The following DCDC1 variants were observed in gnomAD, a reference collection of about 807,000 sequenced individuals.
DCDC1 encodes the protein doublecortin domain-containing protein 1.
A neutral mutation model predicts 178.3 loss-of-function variants in DCDC1; 200 were observed. That is an observed-to-expected ratio of 1.12 (90% confidence interval 1.00 to 1.26). The LOEUF (loss-of-function observed/expected upper bound fraction) is 1.26. Ranked by LOEUF, DCDC1 falls within the 50% of genes most tolerant of loss-of-function variation. The pLI, the probability that DCDC1 is intolerant of heterozygous loss-of-function variation, is 0.00. For missense variants in DCDC1, 1,983 were observed against 1,749.2 expected, an observed-to-expected ratio of 1.13 and a Z score of -2.38; for synonymous variants, 690 against 604.8, an observed-to-expected ratio of 1.14 and a Z score of -2.07.
chr11:31,033,676 TAAC>T (rs1160993412), intron 20 of DCDC1, among the ~76,000 whole-genome samples: 1 of 152,156 alleles, frequency 6.6e-6, no homozygotes, highest in Non-Finnish European at 1.5e-5. Context: ...ATGCACTTTA[TAAC>T]AACCATTTTA....
chr11:31,355,318 C>A (rs1951282363), intron 1 of DCDC1, among the ~76,000 whole-genome samples: 1 of 152,118 alleles, frequency 6.6e-6, no homozygotes, highest in East Asian at 1.9e-4. Context: ...GGGAACATGA[C>A]TACGCTGGAA....
chr11:31,151,759 G>A (rs936035069), intron 9 of DCDC1, among the ~76,000 whole-genome samples: 1 of 152,024 alleles, frequency 6.6e-6, no homozygotes. Flanking sequence ...TGCTTATTTT[G>A]CATAGCAATG....
At chr11:30,968,619 GTATA>G (rs367740624) in intron 20 of DCDC1, among the ~76,000 whole-genome samples, 1 of 144,624 alleles carries the variant, frequency 6.9e-6, no homozygotes, top group Non-Finnish European at 1.5e-5. Context: ...AACAAAGTGT[GTATA>G]TATATATATG....
chr11:31,291,030 C>T (rs1401543545), intron 6 of DCDC1, among the ~76,000 whole-genome samples, 178 bp from the exon 7 acceptor site: 2 of 151,990 alleles, frequency 1.3e-5, no homozygotes, highest in Non-Finnish European at 2.9e-5. Flanking sequence ...CTGTAGCAAG[C>T]TGTCTGCTCT....
intron 20 of DCDC1, among the ~76,000 whole-genome samples, chr11:31,045,896 C>G (rs531778890): frequency 6.6e-6 from 1 of 152,236 alleles, no homozygotes; most frequent in African/African-American, 2.4e-5. Context: ...AACCCATTTT[C>G]CAAGCTTCTC....
chr11:30,986,326 T>TTC (rs1005378718), intron 20 of DCDC1, among the ~76,000 whole-genome samples: 1 of 145,044 alleles, frequency 6.9e-6, no homozygotes, highest in African/African-American at 2.9e-5. Flanking sequence ...TTCCACATTT[T>TTC]TCTCTCTCTC....
At chr11:30,882,860 G>C (rs1481407288) in intron 36 of DCDC1, 2 of 152,140 alleles carry the variant, frequency 1.3e-5, no homozygotes, top group Non-Finnish European at 2.9e-5. Flanking sequence ...AAGTATCTGT[G>C]TTGTGTTACC....
chr11:31,329,231 AAAG>A (rs1309706188), intron 2 of DCDC1, among the ~76,000 whole-genome samples: 1 of 152,146 alleles, frequency 6.6e-6, no homozygotes, highest in Non-Finnish European at 1.5e-5. Flanking sequence ...AAAAGAGATG[AAAG>A]CAGACCTAAG....
chr11:31,358,325 C>T (rs934588512), intron 1 of DCDC1, among the ~76,000 whole-genome samples: 3 of 152,130 alleles, frequency 2.0e-5, no homozygotes, highest in African/African-American at 7.2e-5. Context: ...CTGAGGAAAA[C>T]AAGCAATGGG....
chr11:31,102,381 T>C, intron 14 of DCDC1, 99 bp from the exon 15 acceptor site: 2 of 495,536 alleles, frequency 4.0e-6, no homozygotes, highest in East Asian at 5.9e-5. Context: ...ATGCTTTATG[T>C]ATACTCCATT....
Position 31,266,791 on chromosome 11 carries a change from T to C in DCDC1, c.961-1191A>G, listed in dbSNP as rs1591587564. On this transcript the variant is annotated intron_variant, in intron 7 of 38. Coordinates refer to ENST00000684477, the MANE Select transcript of DCDC1 (RefSeq NM_001387274.1). ...TTCATTAGCTTTGTGACAATGTATG[T>C]ATTTCAATAGCTTAGTGTTTATATA... Among the ~76,000 whole-genome samples, 3 of 152,340 alleles carry C rather than the reference T, an allele frequency of 2.0e-5. No individual in the cohort carries two copies. In the Middle Eastern group the frequency reaches 0.01, roughly 518 times the overall value.
chr11:31,045,887 A>C (rs898322524), intron 20 of DCDC1, among the ~76,000 whole-genome samples: 1 of 152,104 alleles, frequency 6.6e-6, no homozygotes, highest in African/African-American at 2.4e-5. Flanking sequence ...GCAGTCCCAA[A>C]CCCATTTTCC....
intron 9 of DCDC1, among the ~76,000 whole-genome samples, chr11:31,239,183 C>T (rs1490940016): frequency 1.3e-5 from 2 of 151,994 alleles, no homozygotes; most frequent in Admixed American, 6.6e-5. Context: ...TAGGAATCAT[C>T]ATCTACCTCC....
intron 7 of DCDC1, among the ~76,000 whole-genome samples, chr11:31,271,315 G>A (rs1945534526): frequency 1.3e-5 from 2 of 152,100 alleles, no homozygotes; most frequent in Admixed American, 1.3e-4. Context: ...AGCTTTTAAA[G>A]CAGTTTGTAT....
chr11:31,201,626 T>G (rs1971295958), intron 9 of DCDC1, among the ~76,000 whole-genome samples: 2 of 146,652 alleles, frequency 1.4e-5, no homozygotes, highest in South Asian at 2.2e-4. Flanking sequence ...TATTAAGAGG[T>G]GGTGCCCAAA....
At chr11:30,911,570 T>G in intron 27 of DCDC1, 150 bp from the exon 28 acceptor site, 2 of 672,350 alleles carry the variant, frequency 3.0e-6, no homozygotes, top group South Asian at 3.6e-5. Context: ...CTACAGTAAG[T>G]GTGATGTTAA....
At chr11:31,368,240 C>CAATA (rs1477708305) in intron 1 of DCDC1, among the ~76,000 whole-genome samples, 1 of 152,038 alleles carries the variant, frequency 6.6e-6, no homozygotes, top group Admixed American at 6.6e-5. Context: ...TTCCAAACCC[C>CAATA]AATAAATAAA....
chr11:30,914,713 C>T (rs1215979361), intron 27 of DCDC1, among the ~76,000 whole-genome samples: 4 of 151,212 alleles, frequency 2.6e-5, no homozygotes, highest in Non-Finnish European at 4.4e-5. Flanking sequence ...CAACATTCTG[C>T]CATTCTCATT....
intron 9 of DCDC1, among the ~76,000 whole-genome samples, chr11:31,209,163 G>A (rs1232826794): frequency 6.6e-6 from 1 of 152,100 alleles, no homozygotes; most frequent in African/African-American, 2.4e-5. Flanking sequence ...ACTAATTGTA[G>A]AAATACAAAA....
Sources: gnomAD v4.1 joint callset for allele counts (sites outside exome capture counted in the v4.1 genomes callset) on GRCh38, gnomAD v4.1.1 for gene constraint, MANE v1.5 for transcripts, NCBI Gene and HGNC (gene_info 2026-07-23, HGNC 2026-07-21) for gene names.